Variants in GPR158 observed in about 807,000 individuals in gnomAD.
GPR158 encodes the protein metabotropic glycine receptor.
A neutral mutation model predicts 78.2 loss-of-function variants in GPR158; 30 were observed. That is an observed-to-expected ratio of 0.38 (90% CI 0.29 to 0.52). The LOEUF (loss-of-function observed/expected upper bound fraction) is 0.52. GPR158 is among the 20% of genes least tolerant of loss of function. The probability of loss-of-function intolerance (pLI) is 0.83; values close to 1 mark genes in which losing one functional copy is unlikely to be tolerated. For missense variants in GPR158, 1,463 were observed against 1,523.5 expected (o/e 0.96, Z 0.66); for synonymous variants, 581 against 591.1 (o/e 0.98, Z 0.25).
intron 2 of GPR158, among the ~76,000 whole-genome samples, chr10:25,252,299 C>T (rs1447307770): frequency 6.6e-6 from 1 of 151,860 alleles, no homozygotes; most frequent in Non-Finnish European, 1.5e-5. Flanking sequence ...CGTCTGAAGC[C>T]TTCTTCTCTC....
intron 2 of GPR158, among the ~76,000 whole-genome samples, chr10:25,224,135 T>A (rs1184116752): frequency 1.3e-5 from 2 of 152,160 alleles, no homozygotes; most frequent in African/African-American, 4.8e-5. Context: ...GAAGGACATG[T>A]CTTAGTAACT....
chr10:25,523,891 GTCTCT>G (rs1475955666), intron 5 of GPR158, among the ~76,000 whole-genome samples: 3 of 152,044 alleles, frequency 2.0e-5, no homozygotes, highest in African/African-American at 7.2e-5. Flanking sequence ...AAGTAAAACT[GTCTCT>G]ATTTGCAGAT....
chr10:25,233,409 A>G (rs1331861249), intron 2 of GPR158, among the ~76,000 whole-genome samples: 1 of 152,058 alleles, frequency 6.6e-6, no homozygotes, highest in African/African-American at 2.4e-5. Flanking sequence ...GGTGGTTACA[A>G]TTTCATGATC....
At chr10:25,313,375 G>A (rs921031192) in intron 2 of GPR158, among the ~76,000 whole-genome samples, 10 of 151,660 alleles carry the variant, frequency 6.6e-5, no homozygotes, top group African/African-American at 2.2e-4. Flanking sequence ...TTTTGCACAT[G>A]TACCCTAAAA....
chr10:25,409,247 C>T (rs1834555860), intron 3 of GPR158, among the ~76,000 whole-genome samples: 1 of 117,608 alleles, frequency 8.5e-6, no homozygotes, highest in Admixed American at 7.6e-5. Flanking sequence ...TCTTTATTCT[C>T]TGTCTGTGAC....
intron 5 of GPR158, among the ~76,000 whole-genome samples, chr10:25,486,257 T>G (rs1421078444): frequency 1.3e-5 from 2 of 152,168 alleles, no homozygotes; most frequent in Non-Finnish European, 2.9e-5. Context: ...TCTTCATTCT[T>G]TTGTCTGTAC....
intron 1 of GPR158, among the ~76,000 whole-genome samples, chr10:25,186,424 G>T (rs1275440371): frequency 6.6e-6 from 1 of 152,142 alleles, no homozygotes; most frequent in Non-Finnish European, 1.5e-5. Context: ...AAAAATCAGT[G>T]AATCCAGGAG....
At chr10:25,417,209 A>G (rs777752001) in intron 4 of GPR158, among the ~76,000 whole-genome samples, 1 of 152,234 alleles carries the variant, frequency 6.6e-6, no homozygotes, top group Admixed American at 6.5e-5. Context: ...AATTATTTTC[A>G]TGGCTCTATT....
chr10:25,531,886 G>A (rs1038036603), intron 5 of GPR158, among the ~76,000 whole-genome samples: 10 of 152,130 alleles, frequency 6.6e-5, no homozygotes, highest in African/African-American at 2.4e-4. Flanking sequence ...CCGTTAGGAA[G>A]TGGCAGAGCA....
intron 4 of GPR158, among the ~76,000 whole-genome samples, chr10:25,422,290 C>T (rs1056100775): frequency 1.3e-4 from 20 of 152,118 alleles, no homozygotes; most frequent in South Asian, 6.2e-4. Flanking sequence ...AAGTGAGTGG[C>T]GATGGGTGAG....
intron 4 of GPR158, among the ~76,000 whole-genome samples, chr10:25,441,770 C>T (rs1406374279): frequency 6.6e-6 from 1 of 152,038 alleles, no homozygotes; most frequent in Non-Finnish European, 1.5e-5. Context: ...AACTGAGTAC[C>T]AGAAATGAGA....
chr10:25,259,867 T>C (rs1041566186), intron 2 of GPR158, among the ~76,000 whole-genome samples: 4 of 152,224 alleles, frequency 2.6e-5, no homozygotes, highest in South Asian at 2.1e-4. Flanking sequence ...TTCTTAAAAA[T>C]TGCTTTTTTT....
chr10:25,512,945 A>T (rs552334576), intron 5 of GPR158, among the ~76,000 whole-genome samples: 1 of 152,090 alleles, frequency 6.6e-6, no homozygotes, highest in Admixed American at 6.6e-5. Flanking sequence ...GTATTTTATT[A>T]AGAATTTTTG....
rs1836212909 is a variant in GPR158, at chr10:25,518,433, C to T, written c.1405-32543C>T. 3.2e-5 allele frequency among the ~76,000 whole-genome samples: 3 copies of T among 94,054 alleles called. 1 individual carries two copies. Among genetic ancestry groups the T allele is most frequent in the Admixed American group, 2.9e-4 (3 of 10,302 alleles). 61.7% of individuals were successfully genotyped at this position (94,054 alleles called of 152,430 possible). On this transcript the variant is annotated intron_variant, in intron 5 of 10. Coordinates refer to ENST00000376351, the MANE Select transcript of GPR158 (RefSeq NM_020752.3). ...CTGCTAGCTTTTGAATGTGTTTGCT[C>T]TTGCTTTTCTAGTTCTTTTAATTGT...
chr10:25,229,432 C>T (rs1166455740), intron 2 of GPR158, among the ~76,000 whole-genome samples: 8 of 152,092 alleles, frequency 5.3e-5, no homozygotes, highest in South Asian at 2.1e-4. Context: ...ATCTAAAAAT[C>T]TTCTTATTAA....
At chr10:25,284,634 T>G (rs1400819938) in intron 2 of GPR158, among the ~76,000 whole-genome samples, 2 of 151,962 alleles carry the variant, frequency 1.3e-5, no homozygotes, top group African/African-American at 4.8e-5. Flanking sequence ...ATTAATGATA[T>G]GCTTGGATTA....
intron 6 of GPR158, among the ~76,000 whole-genome samples, chr10:25,563,563 T>G (rs1836886112): frequency 2.0e-5 from 3 of 152,192 alleles, no homozygotes; most frequent in Admixed American, 1.3e-4. Context: ...ATCATTTTGA[T>G]TCCCTTCTTG....
At chr10:25,301,697 A>G (rs1854597255) in intron 2 of GPR158, among the ~76,000 whole-genome samples, 1 of 51,584 alleles carries the variant, frequency 1.9e-5, no homozygotes, top group African/African-American at 1.3e-4. Context: ...TACCTTTGAC[A>G]CAGATTTTTT....
intron 6 of GPR158, among the ~76,000 whole-genome samples, chr10:25,570,856 G>A (rs896156941): frequency 6.6e-6 from 1 of 152,084 alleles, no homozygotes; most frequent in South Asian, 2.1e-4. Context: ...GGAGGTGGAG[G>A]TTGCAGTTAG....
Sources: gnomAD v4.1 joint callset for allele counts (sites outside exome capture counted in the v4.1 genomes callset) on GRCh38, gnomAD v4.1.1 for gene constraint, MANE v1.5 for transcripts, NCBI Gene and HGNC (gene_info 2026-07-23, HGNC 2026-07-21) for gene names.